Variants in LRP2 observed in about 807,000 individuals in gnomAD.
LRP2 encodes low-density lipoprotein receptor-related protein 2.
LRP2 carries 172 observed loss-of-function variants against 531.0 expected under a neutral mutation model. The observed-to-expected ratio is 0.32, with a 90% CI of 0.29 to 0.37. The LOEUF is 0.37. LRP2 is among the 10% of genes least tolerant of loss of function. The pLI, the probability that LRP2 is intolerant of heterozygous loss-of-function variation, is 1.00. For synonymous variants in LRP2, 1,992 were observed against 2,027.6 expected, an observed-to-expected ratio of 0.98 and a Z score of 0.47; for missense variants, 5,167 against 5,868.3, an observed-to-expected ratio of 0.88 and a Z score of 3.90.
chr2:169,257,014 C>T (rs967595306), intron 18 of LRP2, 110 bp downstream of exon 18: 72 of 1,247,870 alleles, frequency 5.8e-5, no homozygotes, highest in South Asian at 5.1e-4. Context: ...TAAAATTCCG[C>T]GAGGGCAAGC....
In LRP2 at chr2:169,282,968, T is replaced by C. The variant is rs545496006; in HGVS notation, c.1076A>G (p.Asp359Gly). The C allele has an allele frequency of 1.3e-5, 21 of 1,614,148 alleles. No homozygotes were observed. In the Middle Eastern group the frequency reaches 5.0e-4, roughly 38 times the overall value. Residue 359 changes from aspartate (D) to glycine (G), a missense_variant, in exon 10 of 79, where the codon GAC (aspartate) becomes GGC (glycine). This residue lies in a region of LRP2 where 2,811 missense variants were observed against 3,058.0 expected (regional missense o/e 0.92). Coordinates refer to ENST00000649046, the MANE Select transcript of LRP2 (RefSeq NM_004525.3). ...FDDCQIWGIC[D>G]QKCESRPGRH... ...GCCAGGTCGGCTTTCACACTTCTGG[T>C]CACAAATTCCCCATATCTGGCAATC...
rs4668127 is a variant in LRP2, at chr2:169,231,383, G to A, written c.5227+331C>T. Among the ~76,000 whole-genome samples the A allele has an allele frequency of 0.35, 53,763 of 151,616 alleles. 9,835 individuals carry two copies. The highest frequency in any genetic ancestry group is 0.6 in the South Asian group (2,885 of 4,808). On this transcript the variant is annotated intron_variant, in intron 31 of 78. Transcript: ENST00000649046. ...ATAAAAAATGAAGCTGTACACAAAC[G>A]TTGAGAATGTTTACTTCTTAGGTGA...
At chr2:169,351,314 C>G (rs899198892) in intron 1 of LRP2, among the ~76,000 whole-genome samples, 1 of 152,060 alleles carries the variant, frequency 6.6e-6, no homozygotes, top group Non-Finnish European at 1.5e-5. Context: ...TGGATATAGG[C>G]ACATCTGTAC....
intron 10 of LRP2, among the ~76,000 whole-genome samples, chr2:169,280,950 G>A (rs1190492486): frequency 6.6e-6 from 1 of 152,168 alleles, no homozygotes; most frequent in Non-Finnish European, 1.5e-5. Context: ...GATGGTAATG[G>A]TGGTTCCAAA....
chr2:169,267,051 C>A (rs1683224595), intron 16 of LRP2, among the ~76,000 whole-genome samples: 1 of 151,622 alleles, frequency 6.6e-6, no homozygotes. Context: ...CCACATCTGG[C>A]TAATTTTTTT....
intron 4 of LRP2, among the ~76,000 whole-genome samples, chr2:169,301,672 AC>A (rs1442253163): frequency 1.3e-5 from 2 of 152,038 alleles, no homozygotes; most frequent in Non-Finnish European, 1.5e-5. Flanking sequence ...TTTTGTTGAG[AC>A]CCTAATATCC....
At position 169,174,262 on chromosome 2, in the gene LRP2, T is replaced by C; in HGVS notation, c.10769-98A>G. 2.1e-6 allele frequency: 3 copies of C among 1,460,298 alleles called. No individual in the cohort carries two copies. The South Asian group carries it at 3.5e-5, about 17-fold the overall frequency. 90.5% of individuals were successfully genotyped at this position (1,460,298 alleles called of 1,614,324 possible). A position where few individuals can be genotyped will look rare whatever the true frequency, so the allele number is the denominator to read the frequency against. ...TCCTGGATAGCAGGATCATGATTTC[T>C]TTTTAGAGGACTTATTTCCTAATGT... On this transcript the variant is annotated intron_variant, in intron 55 of 78. Transcript: ENST00000649046.
chr2:169,216,632 T>C lies in LRP2; in HGVS notation c.5649-202A>G, dbSNP rs78890200. Reference sequence around the variant, plus strand: ...TGTCGGTATATTTCCTAGCTATAACTGGAGTAGAGGCCACTTAAAATGGTG... The same window carrying C: ...TGTCGGTATATTTCCTAGCTATAACCGGAGTAGAGGCCACTTAAAATGGTG... On this transcript the variant is annotated intron_variant, in intron 34 of 78. Coordinates refer to ENST00000649046, the MANE Select transcript of LRP2 (RefSeq NM_004525.3). Among the ~76,000 whole-genome samples the C allele has an allele frequency of 3.3e-3, 509 of 152,288 alleles. 1 individual carries two copies. The highest frequency in any genetic ancestry group is 0.012 in the African/African-American group (491 of 41,556).
intron 1 of LRP2, among the ~76,000 whole-genome samples, chr2:169,336,536 TCACACACACA>T (rs61573424): frequency 2.1e-5 from 3 of 145,996 alleles, no homozygotes; most frequent in South Asian, 2.2e-4. Flanking sequence ...CAAGACTCCA[TCACACACACA>T]CACACACACA....
At chr2:169,185,364 A>G (rs1687597654) in intron 50 of LRP2, 139 bp downstream of exon 50, 6 of 756,126 alleles carry the variant, frequency 7.9e-6, no homozygotes, top group South Asian at 5.2e-5. Flanking sequence ...TCAGATACAA[A>G]GCAGAAAATA....
intron 48 of LRP2, 120 bp from the exon 49 acceptor site, chr2:169,188,385 G>A (rs776621519): frequency 1.5e-5 from 14 of 907,084 alleles, no homozygotes; most frequent in Non-Finnish European, 2.5e-5. Context: ...ATTTCGACAA[G>A]ATCACCAGTG....
intron 1 of LRP2, among the ~76,000 whole-genome samples, chr2:169,360,609 T>C (rs1351768648): frequency 1.3e-5 from 2 of 152,156 alleles, no homozygotes; most frequent in Non-Finnish European, 1.5e-5. Context: ...CAGGAACATA[T>C]AGTAAATCCT....
At position 169,237,193 on chromosome 2, in the gene LRP2, T is replaced by C. The variant is rs1324495003; in HGVS notation, c.4601A>G (p.Glu1534Gly). Residue 1534 changes from glutamate (E) to glycine (G), a missense_variant, in exon 28 of 79, where the codon GAA becomes GGA. Glu to Gly is a moderately conservative substitution (Grantham distance 98). Coordinates refer to ENST00000649046, the MANE Select transcript of LRP2 (RefSeq NM_004525.3). ...YWTDYALETI[E>G]VSKIDGSHRT... is the part of the protein sequence containing the mutation. ...GTGGCTCCCATCAATTTTGGAGACT[T>C]CAATTGTTTCCAGAGCATAGTCTGT... 1.2e-6 allele frequency: 2 copies of C among 1,613,662 alleles called. No individual in the cohort carries two copies. Among genetic ancestry groups the C allele is most frequent in the East Asian group, 4.5e-5 (2 of 44,854 alleles).
rs1574078701 is a variant in LRP2, at chr2:169,156,279, G to A, written c.12146C>T (p.Ala4049Val). The A allele has an allele frequency of 6.2e-7, 1 of 1,613,622 alleles. No individual in the cohort carries two copies. Among genetic ancestry groups the A allele is most frequent in the Non-Finnish European group, 8.5e-7 (1 of 1,179,632 alleles). The change falls in exon 65 of 79, where the codon GCT becomes GTT. Residue 4049 changes from alanine to valine, a missense_variant. Physicochemically the swap from Ala to Val is moderately conservative, Grantham distance 64. Around this residue, in one of 6 missense-constraint regions of LRP2, gnomAD observed 564 missense variants for 747.7 expected, o/e 0.75. Coordinates refer to ENST00000649046, the MANE Select transcript of LRP2 (RefSeq NM_004525.3). The part of the protein sequence containing the change: ...MSDRPGKRCA[A>V]EGSSPLLLLP... ...CCAACATGAACCCATCATACCCTCAGCTGCACATCGTTTTCCAGGGCGGTC... is the reference window on the plus strand; with the variant it reads ...CCAACATGAACCCATCATACCCTCAACTGCACATCGTTTTCCAGGGCGGTC...
intron 1 of LRP2, among the ~76,000 whole-genome samples, chr2:169,343,369 C>T (rs141795157): frequency 1.4e-3 from 208 of 152,272 alleles, no homozygotes; most frequent in African/African-American, 4.7e-3. Context: ...CCAGCAATTT[C>T]TATGGATAGA....
At chr2:169,159,454 CT>C (rs980004884) in intron 63 of LRP2, among the ~76,000 whole-genome samples, 4 of 152,046 alleles carry the variant, frequency 2.6e-5, no homozygotes, top group African/African-American at 9.7e-5. Context: ...GAATGCTGCC[CT>C]TGGAGTGCAG....
rs139841525 is a variant in LRP2 at position 169,240,109 on chromosome 2, CA to C, written c.4046-335del. 0.25 allele frequency among the ~76,000 whole-genome samples: 38,631 copies of C among 152,120 alleles called. 6,143 individuals are homozygous for C. The highest frequency in any genetic ancestry group is 0.53 in the South Asian group (2,566 of 4,818). ...GTGTCATTGATAGAGCATGCAAAGA[CA>C]CTTAAAATTGTTTCTCGTTTTCTTC... On this transcript the variant is annotated intron_variant, in intron 25 of 78. Coordinates refer to ENST00000649046, the MANE Select transcript of LRP2 (RefSeq NM_004525.3).
rs776390178 is a variant in LRP2 at position 169,140,504 on chromosome 2, T to TGGGGGG, written c.13149_13150insCCCCCC (p.Cys4383_Met4384insProPro). The TGGGGGG allele has an allele frequency of 6.2e-7, 1 of 1,614,070 alleles. No individual in the cohort carries two copies. The highest frequency in any genetic ancestry group is 1.1e-5 in the South Asian group (1 of 91,084). Reference sequence around the variant, plus strand: ...TCAAAATAGCAATTTCCTCCGTGCATGCACCTGCATGGGGGGGGCAGGTTG... The same window carrying TGGGGGG: ...TCAAAATAGCAATTTCCTCCGTGCATGGGGGGGCACCTGCATGGGGGGGGCAGGTTG... On this transcript the variant is annotated inframe_insertion, in exon 72 of 79. Coordinates refer to ENST00000649046, the MANE Select transcript of LRP2 (RefSeq NM_004525.3).
chr2:169,179,902 A>T (rs1687365924), intron 52 of LRP2, among the ~76,000 whole-genome samples: 1 of 152,008 alleles, frequency 6.6e-6, no homozygotes, highest in Non-Finnish European at 1.5e-5. Context: ...AACATGGCTC[A>T]TGAATATTAA....
Sources: gnomAD v4.1 joint callset for allele counts (sites outside exome capture counted in the v4.1 genomes callset) on GRCh38, gnomAD v4.1.1 for gene constraint, gnomAD v4.1.1 regional missense constraint, MANE v1.5 for transcripts, NCBI Gene and HGNC (gene_info 2026-07-23, HGNC 2026-07-21) for gene names.